The following MAT2B variants were observed in gnomAD, a reference collection of about 807,000 sequenced individuals.
The protein encoded by MAT2B is methionine adenosyltransferase 2 non-catalytic beta subunit.
MAT2B carries 16 observed loss-of-function variants against 36.1 expected under a neutral mutation model. The ratio of observed to expected loss-of-function variants is 0.44; its 90% confidence interval spans 0.30 to 0.67. MAT2B has a LOEUF of 0.67. Ranked by LOEUF, MAT2B falls within the 30% of genes least tolerant of loss-of-function variation. MAT2B has a pLI of 0.09. For synonymous variants in MAT2B, 148 were observed against 136.9 expected, an observed-to-expected ratio of 1.08 and a Z score of -0.57; for missense variants, 332 against 398.2, an observed-to-expected ratio of 0.83 and a Z score of 1.42.
upstream of MAT2B, chr5:163,503,524 A>T (rs1193884025): frequency 1.8e-6 from 2 of 1,131,086 alleles, no homozygotes; most frequent in Admixed American, 3.6e-5. Context: ...TTGTGTAAAG[A>T]AAATAGAAAC....
intron 5 of MAT2B, 31 bp downstream of exon 5, chr5:163,516,742 G>A (rs373579897): frequency 9.9e-6 from 16 of 1,610,034 alleles, no homozygotes; most frequent in Admixed American, 5.0e-5. Context: ...CTGTCTTAGC[G>A]AAGGTCCGCT....
At chr5:163,503,240 GAATCAA>G, upstream of MAT2B, 1 of 655,760 alleles carries the variant, frequency 1.5e-6, no homozygotes, top group Non-Finnish European at 2.8e-6. Flanking sequence ...TCCGGGATTG[GAATCAA>G]AATGCTAATT....
chr5:163,517,356 T>C (rs1410639455), intron 5 of MAT2B: 1 of 324,430 alleles, frequency 3.1e-6, no homozygotes, highest in Non-Finnish European at 5.7e-6. Flanking sequence ...ATTCTTAAGG[T>C]TTAAATTCTA....
intron 4 of MAT2B, 23 bp downstream of exon 4, chr5:163,514,017 C>T (rs1162215615): frequency 1.1e-5 from 17 of 1,578,496 alleles, no homozygotes; most frequent in Non-Finnish European, 1.5e-5. Flanking sequence ...CTATTTAGCC[C>T]CTGATTGTTT....
intron 6 of MAT2B, 172 bp from the exon 7 acceptor site, chr5:163,518,021 C>T (rs986329195): frequency 1.5e-5 from 8 of 533,060 alleles, no homozygotes; most frequent in Admixed American, 6.9e-5. Flanking sequence ...GGGAGGCTGA[C>T]GCAGGAGGAT....
At chr5:163,516,273 C>T (rs1207205695) in intron 4 of MAT2B, among the ~76,000 whole-genome samples, 1 of 152,160 alleles carries the variant, frequency 6.6e-6, no homozygotes, top group African/African-American at 2.4e-5. Flanking sequence ...TGATCTTGAA[C>T]TCCTGGCTTC....
At chr5:163,514,471 C>T (rs1014158015) in intron 4 of MAT2B, among the ~76,000 whole-genome samples, 2 of 152,150 alleles carry the variant, frequency 1.3e-5, no homozygotes, top group Non-Finnish European at 2.9e-5. Context: ...AAAAAGTATA[C>T]ACTCCTTAGA....
rs886599545 is a variant in MAT2B at position 163,518,978 on chromosome 5, A to G, written c.*615A>G. ...GCGTGTGTACATGTATTTTTTTTCT[A>G]GGCAAACATTGAATGCAAACGTGTA... On this transcript the variant is annotated 3_prime_UTR_variant, in exon 7 of 7. Transcript: ENST00000321757. 6.6e-6 allele frequency: 1 copy of G among 152,538 alleles called. No homozygotes were observed. The highest frequency in any genetic ancestry group is 6.6e-5 in the Admixed American group (1 of 15,264). 9.4% of individuals were successfully genotyped at this position (152,538 alleles called of 1,614,324 possible). A position where few individuals can be genotyped will look rare whatever the true frequency, so the allele number is the denominator to read the frequency against.
chr5:163,517,440 C>T (rs1561658674), intron 5 of MAT2B, 121 bp from the exon 6 acceptor site: 3 of 538,596 alleles, frequency 5.6e-6, no homozygotes, highest in Non-Finnish European at 1.0e-5. Flanking sequence ...GGAGACCTTT[C>T]CAGAAAAAGA....
intron 4 of MAT2B, among the ~76,000 whole-genome samples, chr5:163,515,068 A>G (rs947279959): frequency 2.6e-5 from 4 of 152,192 alleles, no homozygotes; most frequent in African/African-American, 9.7e-5. Flanking sequence ...TTATAATGGC[A>G]TTAATCCATT....
At chr5:163,517,508 C>A in intron 5 of MAT2B, 53 bp from the exon 6 acceptor site, 2 of 1,079,956 alleles carry the variant, frequency 1.9e-6, no homozygotes, top group East Asian at 2.4e-5. Context: ...CAAACCTATT[C>A]TACTCAGCTC....
chr5:163,511,278 T>TG (rs1341564814), intron 1 of MAT2B, among the ~76,000 whole-genome samples: 5 of 151,410 alleles, frequency 3.3e-5, no homozygotes, highest in Non-Finnish European at 5.9e-5. Flanking sequence ...AAAAAAATTT[T>TG]TTTTTTGAAA....
In MAT2B at chr5:163,512,178, C is replaced by G; in HGVS notation, c.240C>G (p.His80Gln). Reference sequence around the variant, plus strand: ...TGTTGGATTCTAATGCAGTTCATCACATCATTCATGATTTTCAGGTATGAT... The same window carrying G: ...TGTTGGATTCTAATGCAGTTCATCAGATCATTCATGATTTTCAGGTATGAT... ...VNLLDSNAVHHIIHDFQPHVI... is the reference protein window; with the variant it reads ...VNLLDSNAVHQIIHDFQPHVI... The change falls in exon 2 of 7, where the codon CAC becomes CAG. Residue 80 changes from histidine (H) to glutamine (Q), a missense_variant. By Grantham distance (24) the His-to-Gln change is conservative. Transcript: ENST00000321757. 1 of 1,613,812 alleles carries G rather than the reference C, an allele frequency of 6.2e-7. No individual in the cohort carries two copies. Among genetic ancestry groups the G allele is most frequent in the South Asian group, 1.1e-5 (1 of 91,082 alleles).
At chr5:163,508,449 G>C (rs1235613239) in intron 1 of MAT2B, among the ~76,000 whole-genome samples, 1 of 151,888 alleles carries the variant, frequency 6.6e-6, no homozygotes, top group Non-Finnish European at 1.5e-5. Context: ...TGTTGGCCAG[G>C]CTGGTTTTGA....
At chr5:163,505,572 C>G, upstream of MAT2B, 2 of 1,246,178 alleles carry the variant, frequency 1.6e-6, no homozygotes, top group South Asian at 8.2e-5. Context: ...AAGCGGCGAG[C>G]GGGGTCGTTC....
At chr5:163,516,946 T>C (rs1760142877) in intron 5 of MAT2B, 2 of 587,680 alleles carry the variant, frequency 3.4e-6, no homozygotes, top group Admixed American at 3.1e-5. Context: ...ATTTCTTTTA[T>C]TGCAAAGTGT....
intron 4 of MAT2B, 144 bp from the exon 5 acceptor site, chr5:163,516,374 C>T: frequency 1.5e-6 from 1 of 665,700 alleles, no homozygotes; most frequent in Non-Finnish European, 2.6e-6. Flanking sequence ...ATTGCGTTGT[C>T]ACAAGTGAGC....
At chr5:163,512,266 C>T in intron 2 of MAT2B, 70 bp downstream of exon 2, 1 of 1,316,972 alleles carries the variant, frequency 7.6e-7, no homozygotes, top group East Asian at 2.3e-5. Flanking sequence ...CAGAAACTAT[C>T]CTTGCTCTCA....
intron 1 of MAT2B, among the ~76,000 whole-genome samples, chr5:163,509,638 A>G (rs1349757235): frequency 6.6e-6 from 1 of 152,202 alleles, no homozygotes; most frequent in African/African-American, 2.4e-5. Context: ...CTCAGAAGAA[A>G]CCAAATTATC....
Sources: allele counts gnomAD v4.1 joint callset (sites outside exome capture counted in the v4.1 genomes callset), GRCh38; gene constraint gnomAD v4.1.1; transcripts MANE v1.5; gene names NCBI Gene and HGNC (gene_info 2026-07-23, HGNC 2026-07-21).